Variants in LYSMD1 observed in about 807,000 individuals in gnomAD.
The protein encoded by LYSMD1 is LysM domain containing 1.
In LYSMD1, 9 loss-of-function variants were observed where a neutral mutation model predicts 19.3. The observed-to-expected ratio is 0.47, with a 90% confidence interval of 0.28 to 0.81. The LOEUF is 0.81. LYSMD1 is among the 40% of genes least tolerant of loss of function. The pLI is 0.11. For synonymous variants in LYSMD1, 111 were observed against 111.7 expected, an observed-to-expected ratio of 0.99 and a Z score of 0.04; for missense variants, 262 against 279.8, an observed-to-expected ratio of 0.94 and a Z score of 0.45.
rs1683464695 is a variant in LYSMD1 at position 151,161,747 on chromosome 1, T to G, written c.534A>C (p.Lys178Asn). 2 of 1,608,888 alleles carry G rather than the reference T, an allele frequency of 1.2e-6. No individual in the cohort carries two copies. The highest frequency in any genetic ancestry group is 4.5e-5 in the East Asian group (2 of 44,854). The change falls in exon 2 of 3, where the codon AAA becomes AAC. Residue 178 changes from lysine (K) to asparagine (N), a missense_variant. Transcript: ENST00000368908. ...SKKAAAQKLK[K>N]GENGVPGEDA... is the part of the protein sequence containing the mutation. ...CATTCAAGACTCACCCATTTTCCCC[T>G]TTTTTCAGCTTCTGAGCAGCAGCCT... is the stretch of plus-strand genomic sequence containing the variant.
chr1:151,164,805 T>C (rs1683603923), intron 1 of LYSMD1, among the ~76,000 whole-genome samples: 1 of 152,184 alleles, frequency 6.6e-6, no homozygotes, highest in Admixed American at 6.5e-5. Flanking sequence ...GAACGATAAA[T>C]GTATACTTGA....
downstream of LYSMD1, among the ~76,000 whole-genome samples, chr1:151,155,905 C>A (rs978382772): frequency 6.6e-6 from 1 of 151,742 alleles, no homozygotes. Flanking sequence ...GAGTTCAAGA[C>A]GATCCTGGCC....
chr1:151,152,268 G>A, the LYSMD1 span, among the ~76,000 whole-genome samples: 10 of 151,822 alleles, frequency 6.6e-5, no homozygotes, highest in South Asian at 2.1e-4. Context: ...GTGGTAGCGC[G>A]CGCCTGTAAT....
intron 1 of LYSMD1, among the ~76,000 whole-genome samples, chr1:151,164,372 G>A (rs1160465444): frequency 6.6e-6 from 1 of 152,208 alleles, no homozygotes; most frequent in Admixed American, 6.5e-5. Context: ...GCATAAAAAT[G>A]TTGGCTAAAT....
In LYSMD1 at chr1:151,160,224, C is replaced by A. The variant is rs1385495518; in HGVS notation, c.*658G>T. On this transcript the variant is annotated 3_prime_UTR_variant, in exon 3 of 3. Coordinates refer to ENST00000368908, the MANE Select transcript of LYSMD1 (RefSeq NM_212551.5). ...GTTTGTCAAGACTGAGCCCATTCAA[C>A]AGGAATGGGGTACCAAAAAAAAAAA... 2 of 17,310 alleles carry A rather than the reference C, an allele frequency of 1.2e-4. No homozygotes were observed. The highest frequency in any genetic ancestry group is 2.0e-4 in the Non-Finnish European group (1 of 4,880). The allele number at this position is 17,310 out of a possible 1,614,324, so 1.1% of individuals were successfully genotyped here.
the LYSMD1 span, among the ~76,000 whole-genome samples, chr1:151,149,630 A>G: frequency 6.6e-6 from 1 of 152,014 alleles, no homozygotes; most frequent in Non-Finnish European, 1.5e-5. Context: ...GTGCGCCTGT[A>G]GTCCCAACTA....
downstream of LYSMD1, chr1:151,158,806 G>C: frequency 3.1e-6 from 5 of 1,614,134 alleles, no homozygotes; most frequent in Non-Finnish European, 4.2e-6. Context: ...GACAAGCAGT[G>C]AGGTGCTAGA....
At chr1:151,153,364 A>T in the LYSMD1 span, among the ~76,000 whole-genome samples, 1 of 152,088 alleles carries the variant, frequency 6.6e-6, no homozygotes, top group African/African-American at 2.4e-5. Flanking sequence ...ATCTCTAAAA[A>T]AAATTTGTGG....
In LYSMD1 at chr1:151,160,402, C is replaced by T. The variant is rs1232452579; in HGVS notation, c.*480G>A. 6.5e-6 allele frequency: 1 copy of T among 153,008 alleles called. No individual in the cohort carries two copies. Among genetic ancestry groups the T allele is most frequent in the Non-Finnish European group, 1.5e-5 (1 of 68,494 alleles). 9.5% of individuals were successfully genotyped at this position (153,008 alleles called of 1,614,324 possible). Reference sequence around the variant, plus strand: ...AAAGTGGAGAACCAGCAGTCACTGGCTCACTGTTCCCGGGTTCTCCTCACC... The same window carrying T: ...AAAGTGGAGAACCAGCAGTCACTGGTTCACTGTTCCCGGGTTCTCCTCACC... On this transcript the variant is annotated 3_prime_UTR_variant, in exon 3 of 3. Coordinates refer to ENST00000368908, the MANE Select transcript of LYSMD1 (RefSeq NM_212551.5).
intron 1 of LYSMD1, among the ~76,000 whole-genome samples, chr1:151,163,101 T>G (rs892170261): frequency 1.3e-5 from 2 of 152,150 alleles, no homozygotes; most frequent in Admixed American, 1.3e-4. Flanking sequence ...TCTTTGAACA[T>G]TCCATGATCT....
chr1:151,149,683 G>A, the LYSMD1 span, among the ~76,000 whole-genome samples: 1 of 151,894 alleles, frequency 6.6e-6, no homozygotes, highest in African/African-American at 2.4e-5. Flanking sequence ...CCCAGGAGGC[G>A]GAGCTTGCAG....
chr1:151,160,790 C>A lies in LYSMD1; in HGVS notation c.*92G>T. 1 of 1,462,580 alleles carries A rather than the reference C, an allele frequency of 6.8e-7. No individual in the cohort carries two copies. Among genetic ancestry groups the A allele is most frequent in the Non-Finnish European group, 9.4e-7 (1 of 1,068,416 alleles). 90.6% of individuals were successfully genotyped at this position (1,462,580 alleles called of 1,614,324 possible). ...TGGCTGGAGTGGAGGGAGGCAGGCT[C>A]ATAAGCCATGTTCTTGAGCCTCACC... On this transcript the variant is annotated 3_prime_UTR_variant, in exon 3 of 3. Coordinates refer to ENST00000368908, the MANE Select transcript of LYSMD1 (RefSeq NM_212551.5).
rs774670258 is a variant in LYSMD1 at position 151,162,094 on chromosome 1, G to C, written c.187C>G (p.Gln63Glu). Residue 63 changes from glutamine (Q) to glutamate (E), a missense_variant, in exon 2 of 3, where the codon CAG (glutamine) becomes GAG (glutamate). Transcript: ENST00000368908. Reference protein sequence around the residue: ...LALKYGVTMEQIKRANRLYTN... With the variant: ...LALKYGVTMEEIKRANRLYTN... The stretch of plus-strand genomic sequence containing the variant: ...TAAAGGCGGTTTGCACGTTTAATCT[G>C]TTCCATCTTAAAAAAAAAAGTCACC... 2 of 1,565,926 alleles carry C rather than the reference G, an allele frequency of 1.3e-6. No individual in the cohort carries two copies. The highest frequency in any genetic ancestry group is 1.7e-6 in the Non-Finnish European group (2 of 1,170,476).
Position 151,161,807 on chromosome 1 carries a change from A to G in LYSMD1, c.474T>C (p.Leu158=). ...PIHDLSASDF[L]KKLDSQISLS... Reference sequence around the variant, plus strand: ...GGCTGATCTGTGAATCAAGCTTCTTAAGGAAATCAGAGGCAGAGAGGTCAT... The same window carrying G: ...GGCTGATCTGTGAATCAAGCTTCTTGAGGAAATCAGAGGCAGAGAGGTCAT... Residue 158 remains leucine (L), a synonymous_variant, in exon 2 of 3, where the codon CTT becomes CTC. Transcript: ENST00000368908. The G allele has an allele frequency of 6.2e-7, 1 of 1,612,712 alleles. No individual in the cohort carries two copies. Among genetic ancestry groups the G allele is most frequent in the Admixed American group, 1.7e-5 (1 of 59,480 alleles).
rs41308397 is a variant in LYSMD1 at position 151,165,317 on chromosome 1, C to G, written c.-59G>C. 8,214 of 1,573,918 alleles carry G rather than the reference C, an allele frequency of 5.2e-3. 38 individuals are homozygous for G. The highest frequency in any genetic ancestry group is 9.1e-3 in the Middle Eastern group (44 of 4,846). On this transcript the variant is annotated 5_prime_UTR_variant, in exon 1 of 3. Coordinates refer to ENST00000368908, the MANE Select transcript of LYSMD1 (RefSeq NM_212551.5). ...AGGGGAGGTACGACCGAGACTGCGA[C>G]TGACAGGCCTGAAGTCTGGGAATGA...
Position 151,165,247 on chromosome 1 carries a change from C to T in LYSMD1, c.12G>A (p.Pro4=), listed in dbSNP as rs762963841. The T allele has an allele frequency of 1.6e-5, 25 of 1,612,450 alleles. No individual in the cohort carries two copies. The highest frequency in any genetic ancestry group is 2.0e-5 in the Non-Finnish European group (23 of 1,179,132). The stretch of plus-strand genomic sequence containing the variant: ...ACCCCCCTGGCGGGGGCTGTCTAGA[C>T]GGGGAAGCCATCTCTTCACCCTGCC... The part of the protein sequence containing the change: MAS[P]SRQPPPGGSG... The change falls in exon 1 of 3, where the codon CCG becomes CCA. Residue 4 remains proline (P), a synonymous_variant. Coordinates refer to ENST00000368908, the MANE Select transcript of LYSMD1 (RefSeq NM_212551.5).
chr1:151,162,089 A>T lies in LYSMD1; in HGVS notation c.192T>A (p.Ile64=), dbSNP rs139856560. The T allele has an allele frequency of 8.2e-4, 1,304 of 1,584,714 alleles. 3 individuals carry two copies. The highest frequency in any genetic ancestry group is 1.1e-3 in the Admixed American group (55 of 51,844). Residue 64 remains isoleucine (I), a synonymous_variant, in exon 2 of 3, where the codon ATT becomes ATA. Coordinates refer to ENST00000368908, the MANE Select transcript of LYSMD1 (RefSeq NM_212551.5). Reference sequence around the variant, plus strand: ...TAGTATAAAGGCGGTTTGCACGTTTAATCTGTTCCATCTTAAAAAAAAAAG... The same window carrying T: ...TAGTATAAAGGCGGTTTGCACGTTTTATCTGTTCCATCTTAAAAAAAAAAG... ...ALKYGVTMEQ[I]KRANRLYTND...
the LYSMD1 span, among the ~76,000 whole-genome samples, chr1:151,153,261 T>G: frequency 3.3e-5 from 5 of 152,150 alleles, no homozygotes; most frequent in Admixed American, 6.6e-5. Flanking sequence ...TTTGGGAGAT[T>G]GAGGCAGGAG....
intron 2 of LYSMD1, 41 bp downstream of exon 2, chr1:151,161,695 G>C (rs1683462727): frequency 6.3e-7 from 1 of 1,581,148 alleles, no homozygotes; most frequent in African/African-American, 1.4e-5. Flanking sequence ...AATGATGGAG[G>C]AGTCTAGGGA....
Sources: allele counts gnomAD v4.1 joint callset (sites outside exome capture counted in the v4.1 genomes callset), GRCh38; gene constraint gnomAD v4.1.1; transcripts MANE v1.5; gene names NCBI Gene and HGNC (gene_info 2026-07-23, HGNC 2026-07-21).